The following CELF5 variants were observed in gnomAD, a reference collection of about 807,000 sequenced individuals.
CELF5 encodes CUGBP Elav-like family member 5.
A neutral mutation model predicts 54.9 loss-of-function variants in CELF5; 6 were observed. The observed-to-expected ratio is 0.11, with a 90% CI of 0.06 to 0.22. The LOEUF (loss-of-function observed/expected upper bound fraction) is 0.22, where lower values mean the gene tolerates loss of function less well. CELF5 is among the 10% of genes least tolerant of loss of function. The pLI is 1.00. For missense variants in CELF5, 401 were observed against 678.6 expected, an observed-to-expected ratio of 0.59 and a Z score of 4.54; for synonymous variants, 271 against 290.9, an observed-to-expected ratio of 0.93 and a Z score of 0.70.
chr19:3,244,528 CGT>C (rs2079535155), intron 1 of CELF5, among the ~76,000 whole-genome samples: 1 of 136,050 alleles, frequency 7.4e-6, no homozygotes, highest in Non-Finnish European at 1.5e-5. Flanking sequence ...GTCTTGTCTG[CGT>C]GTGTGTGTAG....
chr19:3,276,584 G>C (rs1314362721), intron 4 of CELF5, among the ~76,000 whole-genome samples: 1 of 149,972 alleles, frequency 6.7e-6, no homozygotes, highest in Non-Finnish European at 1.5e-5. Flanking sequence ...GGAGAAGCTG[G>C]TTCACAGGGG....
chr19:3,285,252 G>T (rs2080220338), intron 9 of CELF5, among the ~76,000 whole-genome samples: 2 of 152,016 alleles, frequency 1.3e-5, no homozygotes, highest in Admixed American at 1.3e-4. Context: ...GTTGGGGAGA[G>T]GGAATTCCCC....
intron 2 of CELF5, among the ~76,000 whole-genome samples, chr19:3,261,037 T>C (rs1333621080): frequency 6.6e-6 from 1 of 152,176 alleles, no homozygotes; most frequent in African/African-American, 2.4e-5. Flanking sequence ...GTGTTGGGAC[T>C]ACAGGTGTGA....
In CELF5 at chr19:3,290,363, G is replaced by A; in HGVS notation, c.1319G>A (p.Ser440Asn). Residue 440 changes from serine (S) to asparagine (N), a missense_variant, in exon 11 of 13, where the codon AGC becomes AAC. This residue lies in a region of CELF5 where 59 missense variants were observed against 128.8 expected (regional missense o/e 0.46). Coordinates refer to ENST00000292672, the MANE Select transcript of CELF5 (RefSeq NM_021938.4). Reference sequence around the variant, plus strand: ...TTTATGGATCGAGCTACCAACCAGAGCAAGTGTTTCGGTGAGTGGCCGCCG... The same window carrying A: ...TTTATGGATCGAGCTACCAACCAGAACAAGTGTTTCGGTGAGTGGCCGCCG... ...KVFMDRATNQ[S>N]KCFGFVSFDN... The A allele has an allele frequency of 6.2e-7, 1 of 1,613,628 alleles. No individual in the cohort carries two copies. Among genetic ancestry groups the A allele is most frequent in the Non-Finnish European group, 8.5e-7 (1 of 1,179,742 alleles).
At chr19:3,279,058 G>A (rs2080105663) in intron 5 of CELF5, among the ~76,000 whole-genome samples, 1 of 152,196 alleles carries the variant, frequency 6.6e-6, no homozygotes, top group Admixed American at 6.5e-5. Context: ...TGGGGCTAAT[G>A]TAGAGGATGG....
At chr19:3,267,987 G>C (rs1269342898) in intron 2 of CELF5, among the ~76,000 whole-genome samples, 1 of 151,980 alleles carries the variant, frequency 6.6e-6, no homozygotes, top group Non-Finnish European at 1.5e-5. Context: ...CCTAGAAGTA[G>C]ATTTTTGTTT....
At chr19:3,245,337 C>T (rs1450974949) in intron 1 of CELF5, among the ~76,000 whole-genome samples, 4 of 112,756 alleles carry the variant, frequency 3.5e-5, no homozygotes, top group South Asian at 2.9e-4. Context: ...TGTGTGTGTG[C>T]GTGTGTTTGT....
intron 1 of CELF5, among the ~76,000 whole-genome samples, chr19:3,234,108 G>C (rs566692576): frequency 1.4e-4 from 21 of 152,304 alleles, no homozygotes; most frequent in African/African-American, 4.3e-4. Flanking sequence ...CAGAGGGCAT[G>C]CCTCTAGCAG....
chr19:3,288,848 T>TA (rs1035027534), intron 10 of CELF5, among the ~76,000 whole-genome samples: 7 of 151,500 alleles, frequency 4.6e-5, no homozygotes, highest in East Asian at 1.9e-4. Flanking sequence ...CCTGTCCCTT[T>TA]AAAAAAAAAT....
At position 3,232,989 on chromosome 19, in the gene CELF5, G is replaced by A. The variant is rs575424390; in HGVS notation, c.259+7991G>A. On this transcript the variant is annotated intron_variant, in intron 1 of 12. Transcript: ENST00000292672. Reference sequence around the variant, plus strand: ...CTCGGGAGGCTGAGGCAAGAGAATCGCTTGAACCCGGGAGGCAGAGGTTGT... The same window carrying A: ...CTCGGGAGGCTGAGGCAAGAGAATCACTTGAACCCGGGAGGCAGAGGTTGT... Among the ~76,000 whole-genome samples the A allele has an allele frequency of 2.2e-3, 337 of 152,000 alleles. 1 individual carries two copies. Among genetic ancestry groups the A allele is most frequent in the African/African-American group, 6.7e-3 (278 of 41,442 alleles).
At chr19:3,242,297 G>A (rs1033971710) in intron 1 of CELF5, among the ~76,000 whole-genome samples, 1 of 152,142 alleles carries the variant, frequency 6.6e-6, no homozygotes, top group Admixed American at 6.6e-5. Context: ...GCTTTGGGAG[G>A]CTGAGGCGGG....
intron 2 of CELF5, among the ~76,000 whole-genome samples, chr19:3,256,741 T>G (rs2079733083): frequency 6.6e-6 from 1 of 151,794 alleles, no homozygotes; most frequent in Admixed American, 6.6e-5. Flanking sequence ...CTAGTTTCTG[T>G]ATTTTTAGTA....
chr19:3,271,482 C>A (rs918529918), intron 2 of CELF5, among the ~76,000 whole-genome samples: 1 of 151,910 alleles, frequency 6.6e-6, no homozygotes, highest in South Asian at 2.1e-4. Context: ...TGCGGCTGGG[C>A]GGCAGGAAGG....
chr19:3,251,288 G>A (rs1033023804), intron 2 of CELF5, among the ~76,000 whole-genome samples: 5 of 152,208 alleles, frequency 3.3e-5, no homozygotes, highest in Non-Finnish European at 7.3e-5. Context: ...GGTTGTGTGT[G>A]GTTGTGCAGG....
chr19:3,243,773 G>A (rs1217823806), intron 1 of CELF5, among the ~76,000 whole-genome samples: 1 of 152,110 alleles, frequency 6.6e-6, no homozygotes, highest in Non-Finnish European at 1.5e-5. Flanking sequence ...CTGTGAGGGA[G>A]CGTTTATTCC....
intron 2 of CELF5, among the ~76,000 whole-genome samples, chr19:3,257,984 G>GA (rs1197127659): frequency 1.3e-5 from 2 of 149,532 alleles, no homozygotes; most frequent in Non-Finnish European, 3.0e-5. Flanking sequence ...TTTTTTGACA[G>GA]AGTTTTGCTC....
chr19:3,254,558 C>T (rs1313416567), intron 2 of CELF5, among the ~76,000 whole-genome samples: 1 of 151,454 alleles, frequency 6.6e-6, no homozygotes, highest in African/African-American at 2.4e-5. Flanking sequence ...TCCATTCATC[C>T]ACCCATCCAC....
intron 2 of CELF5, among the ~76,000 whole-genome samples, chr19:3,258,459 C>T (rs1200026444): frequency 6.6e-6 from 1 of 151,890 alleles, no homozygotes; most frequent in Non-Finnish European, 1.5e-5. Flanking sequence ...TAGAAGGACA[C>T]TTCTCATTGG....
intron 4 of CELF5, among the ~76,000 whole-genome samples, chr19:3,277,670 G>A (rs1388775915): frequency 6.6e-6 from 1 of 152,022 alleles, no homozygotes; most frequent in African/African-American, 2.4e-5. Context: ...CAGGTGCAGT[G>A]GCCTCTGTAT....
Sources: gnomAD v4.1 joint callset for allele counts (sites outside exome capture counted in the v4.1 genomes callset) on GRCh38, gnomAD v4.1.1 for gene constraint, gnomAD v4.1.1 regional missense constraint, MANE v1.5 for transcripts, NCBI Gene and HGNC (gene_info 2026-07-23, HGNC 2026-07-21) for gene names.